Variants in CCDC178 observed in about 807,000 individuals in gnomAD.
CCDC178 encodes the protein coiled-coil domain containing 178, also known as coiled-coil domain-containing protein 178.
In CCDC178, 126 loss-of-function variants were observed where a neutral mutation model predicts 117.4. The observed-to-expected ratio is 1.07, with a 90% CI of 0.93 to 1.24. CCDC178 has a LOEUF of 1.24. Among genes scored for constraint, CCDC178 ranks in the 50% most tolerant of loss-of-function variants. The pLI, the probability that CCDC178 is intolerant of heterozygous loss-of-function variation, is 0.00. For missense variants in CCDC178, 1,030 were observed against 986.9 expected, an observed-to-expected ratio of 1.04 and a Z score of -0.59; for synonymous variants, 283 against 313.4, an observed-to-expected ratio of 0.90 and a Z score of 1.02.
chr18:33,215,547 T>TA lies in CCDC178; in HGVS notation c.2078+2dup, dbSNP rs768688851. ...CATATTTTGATAAAGTTTAAGTACTTACTTTAATATTTCAAGTGTCTGATC... is the reference window on the plus strand; with the variant it reads ...CATATTTTGATAAAGTTTAAGTACTTAACTTTAATATTTCAAGTGTCTGATC... On this transcript the variant is annotated splice_region_variant and intron_variant, in intron 19 of 22. Transcript: ENST00000383096. 7.5e-7 allele frequency: 1 copy of TA among 1,327,060 alleles called. No homozygotes were observed. Among genetic ancestry groups the TA allele is most frequent in the Admixed American group, 3.2e-5 (1 of 31,524 alleles). 82.2% of individuals were successfully genotyped at this position (1,327,060 alleles called of 1,614,324 possible). A position where few individuals can be genotyped will look rare whatever the true frequency, so the allele number is the denominator to read the frequency against.
Position 33,220,055 on chromosome 18 carries a change from A to G in CCDC178, c.1932+3051T>C, listed in dbSNP as rs527619403. 2.6e-5 allele frequency among the ~76,000 whole-genome samples: 4 copies of G among 152,238 alleles called. No individual in the cohort carries two copies. The South Asian group carries it at 8.3e-4, about 32-fold the overall frequency. On this transcript the variant is annotated intron_variant, in intron 18 of 22. Coordinates refer to ENST00000383096, the MANE Select transcript of CCDC178 (RefSeq NM_001105528.4). ...ATTTGGAAAAAGCCCTAAAGTCTCCAGTCACACATCCATTTGTTTATGCTG... is the reference window on the plus strand; with the variant it reads ...ATTTGGAAAAAGCCCTAAAGTCTCCGGTCACACATCCATTTGTTTATGCTG...
At chr18:32,958,872 G>T (rs2054647267) in intron 22 of CCDC178, among the ~76,000 whole-genome samples, 1 of 152,110 alleles carries the variant, frequency 6.6e-6, no homozygotes, top group South Asian at 2.1e-4. Flanking sequence ...AACTAAGAGG[G>T]ATTGTTCACT....
intron 9 of CCDC178, among the ~76,000 whole-genome samples, chr18:33,344,235 C>T (rs967137484): frequency 1.4e-4 from 19 of 139,092 alleles, no homozygotes; most frequent in African/African-American, 4.1e-4. Flanking sequence ...ACCCGGGAAG[C>T]GGAGCTTGCA....
At chr18:33,078,943 T>G (rs1405376251) in intron 21 of CCDC178, among the ~76,000 whole-genome samples, 2 of 151,910 alleles carry the variant, frequency 1.3e-5, no homozygotes, top group Admixed American at 1.3e-4. Flanking sequence ...AAAATTAATA[T>G]GAAACAAAAA....
At chr18:33,215,748 C>T in intron 18 of CCDC178, 53 bp from the exon 19 acceptor site, 1 of 1,318,206 alleles carries the variant, frequency 7.6e-7, no homozygotes. Flanking sequence ...TTTTCAAATC[C>T]CTGCTATTTA....
chr18:33,089,287 G>C (rs1021362698), intron 21 of CCDC178, among the ~76,000 whole-genome samples: 15 of 151,936 alleles, frequency 9.9e-5, no homozygotes, highest in Middle Eastern at 3.2e-3. Context: ...TTATAATTCT[G>C]AAATAGATTA....
At chr18:33,420,489 G>T (rs1435333759) in intron 2 of CCDC178, among the ~76,000 whole-genome samples, 1 of 152,014 alleles carries the variant, frequency 6.6e-6, no homozygotes, top group African/African-American at 2.4e-5. Context: ...GAGTAACTCG[G>T]ATGACAGCCA....
At chr18:33,236,927 A>G (rs538536236) in intron 15 of CCDC178, among the ~76,000 whole-genome samples, 1 of 152,304 alleles carries the variant, frequency 6.6e-6, no homozygotes, top group Admixed American at 6.5e-5. Flanking sequence ...AAATACCTAC[A>G]GTATTTACTA....
At chr18:33,162,896 C>T (rs1779370744) in intron 20 of CCDC178, among the ~76,000 whole-genome samples, 1 of 151,912 alleles carries the variant, frequency 6.6e-6, no homozygotes, top group East Asian at 1.9e-4. Context: ...AATGAATGTT[C>T]GTGTGTATGT....
At chr18:33,175,049 TTG>T (rs1471989484) in intron 20 of CCDC178, among the ~76,000 whole-genome samples, 4,212 of 151,278 alleles carry the variant, frequency 0.028, 184 homozygotes, top group African/African-American at 0.099. Flanking sequence ...TTTATTTTTT[TTG>T]GTATTTTTAG....
At chr18:33,189,622 A>C (rs1040798700) in intron 20 of CCDC178, among the ~76,000 whole-genome samples, 5 of 152,164 alleles carry the variant, frequency 3.3e-5, no homozygotes, top group Non-Finnish European at 7.3e-5. Context: ...AGCAATTGGC[A>C]TACTTTTGTT....
At chr18:33,147,849 T>G (rs1286981142) in intron 20 of CCDC178, among the ~76,000 whole-genome samples, 1 of 152,210 alleles carries the variant, frequency 6.6e-6, no homozygotes, top group Non-Finnish European at 1.5e-5. Context: ...ACTGCCATTG[T>G]CATCATGGCC....
chr18:33,423,376 C>A (rs563141890), intron 2 of CCDC178, among the ~76,000 whole-genome samples: 1 of 151,974 alleles, frequency 6.6e-6, no homozygotes, highest in Non-Finnish European at 1.5e-5. Flanking sequence ...TAAAAAAATT[C>A]GACATAATAT....
chr18:33,397,383 T>G (rs527640442), intron 3 of CCDC178, among the ~76,000 whole-genome samples, 175 bp from the exon 4 acceptor site: 149 of 152,270 alleles, frequency 9.8e-4, no homozygotes, highest in African/African-American at 3.2e-3. Context: ...CAAAGTTTGA[T>G]GGTGTTTCTC....
rs764999527 is a variant in CCDC178 at position 33,333,394 on chromosome 18, TCTA to T, written c.659-3_659-1del. The T allele has an allele frequency of 1.3e-6, 2 of 1,553,760 alleles. No individual in the cohort carries two copies. Among genetic ancestry groups the T allele is most frequent in the Non-Finnish European group, 1.8e-6 (2 of 1,132,714 alleles). On this transcript the variant is annotated splice_acceptor_variant and splice_polypyrimidine_tract_variant and intron_variant, in intron 9 of 22. Coordinates refer to ENST00000383096, the MANE Select transcript of CCDC178 (RefSeq NM_001105528.4). LOFTEE classifies it high-confidence loss of function. ...AACATCACTCAAATAGGCCTCATGT[TCTA>T]GATATAGAAGGATAAGAACAAAAGA...
chr18:33,409,331 C>T lies in CCDC178; in HGVS notation c.58+2700G>A, dbSNP rs73423529. Among the ~76,000 whole-genome samples the T allele has an allele frequency of 8.3e-3, 1,266 of 152,258 alleles. 17 individuals are homozygous for T. Among genetic ancestry groups the T allele is most frequent in the African/African-American group, 0.029 (1,206 of 41,554 alleles). ...AACTCCTGGTCTCAAGTGATCCACC[C>T]ACCTCACCCTCCTGAAGTGTTGGGA... On this transcript the variant is annotated intron_variant, in intron 3 of 22. Coordinates refer to ENST00000383096, the MANE Select transcript of CCDC178 (RefSeq NM_001105528.4).
intron 21 of CCDC178, among the ~76,000 whole-genome samples, chr18:32,980,322 G>A (rs765861457): frequency 6.6e-6 from 1 of 151,956 alleles, no homozygotes; most frequent in Non-Finnish European, 1.5e-5. Flanking sequence ...GGTGGCTCAC[G>A]CCTGTAATCC....
intron 20 of CCDC178, among the ~76,000 whole-genome samples, chr18:33,165,239 G>A (rs992523038): frequency 1.3e-5 from 2 of 152,042 alleles, no homozygotes; most frequent in African/African-American, 4.8e-5. Flanking sequence ...TGTAGTCTGA[G>A]CTGCCCCAGA....
chr18:33,402,470 T>C (rs2063722046), intron 3 of CCDC178, among the ~76,000 whole-genome samples: 1 of 152,226 alleles, frequency 6.6e-6, no homozygotes, highest in Non-Finnish European at 1.5e-5. Flanking sequence ...TGCAGTTTTT[T>C]GCAAGCCTCA....
Sources: gnomAD v4.1 joint callset for allele counts (sites outside exome capture counted in the v4.1 genomes callset) on GRCh38, gnomAD v4.1.1 for gene constraint, MANE v1.5 for transcripts, NCBI Gene and HGNC (gene_info 2026-07-23, HGNC 2026-07-21) for gene names.